BICD1: variants seen among roughly 807,000 people sequenced by gnomAD.
BICD1 encodes BICD cargo adaptor 1, also known as protein bicaudal D homolog 1.
In BICD1, 35 loss-of-function variants were observed where a neutral mutation model predicts 92.5. The ratio of observed to expected loss-of-function variants is 0.38; its 90% CI spans 0.29 to 0.50. BICD1 has a LOEUF of 0.50. Ranked by LOEUF, BICD1 falls within the 20% of genes least tolerant of loss-of-function variation. The pLI is 0.93. For synonymous variants in BICD1, 429 were observed against 465.1 expected (o/e 0.92, Z 1.00); for missense variants, 950 against 1,189.8 (o/e 0.80, Z 2.97).
intron 2 of BICD1, among the ~76,000 whole-genome samples, chr12:32,258,311 T>C (rs1220679675): frequency 6.6e-6 from 1 of 152,226 alleles, no homozygotes; most frequent in African/African-American, 2.4e-5. Flanking sequence ...TATAGTGATA[T>C]TGTACTATGG....
intron 1 of BICD1, among the ~76,000 whole-genome samples, chr12:32,139,280 A>G (rs938555842): frequency 1.3e-5 from 2 of 152,160 alleles, no homozygotes; most frequent in Non-Finnish European, 2.9e-5. Context: ...GGTTTCTTAC[A>G]TGGACTCACT....
intron 4 of BICD1, among the ~76,000 whole-genome samples, chr12:32,311,209 T>C (rs1019517704): frequency 6.6e-6 from 1 of 152,120 alleles, no homozygotes; most frequent in African/African-American, 2.4e-5. Context: ...ATTTAAGAAA[T>C]ACATTGGGCC....
At chr12:32,268,826 C>T (rs907542940) in intron 2 of BICD1, among the ~76,000 whole-genome samples, 1 of 152,062 alleles carries the variant, frequency 6.6e-6, no homozygotes, top group Non-Finnish European at 1.5e-5. Flanking sequence ...GGAATTTTCA[C>T]CCATTGACAA....
At chr12:32,240,441 C>T (rs918546622) in intron 2 of BICD1, among the ~76,000 whole-genome samples, 1 of 152,172 alleles carries the variant, frequency 6.6e-6, no homozygotes, top group Non-Finnish European at 1.5e-5. Flanking sequence ...TGTTCACTGA[C>T]TCATGTCTGC....
intron 8 of BICD1, chr12:32,339,845 G>T: frequency 1.0e-6 from 1 of 971,354 alleles, no homozygotes. Flanking sequence ...AAATTCAAGA[G>T]ATTTTATATG....
At chr12:32,376,349 A>C (rs1194045745) in intron 9 of BICD1, among the ~76,000 whole-genome samples, 1 of 151,974 alleles carries the variant, frequency 6.6e-6, no homozygotes. Flanking sequence ...GGCCTCCCAA[A>C]GTGCTGGGAT....
At chr12:32,361,433 A>G (rs766964150) in intron 8 of BICD1, among the ~76,000 whole-genome samples, 1 of 151,894 alleles carries the variant, frequency 6.6e-6, no homozygotes, top group Non-Finnish European at 1.5e-5. Context: ...CATGCCTGTA[A>G]TCCCAGCTAC....
chr12:32,288,223 A>ATTTTTTTTTTTTTTTTTTTTTTTT (rs34913740), intron 2 of BICD1, among the ~76,000 whole-genome samples: 5 of 109,522 alleles, frequency 4.6e-5, no homozygotes, highest in African/African-American at 7.4e-5. Flanking sequence ...CCAAGTCCTA[A>ATTTTTTTTTTTTTTTTTTTTTTTT]TTTTTTTTTT....
intron 1 of BICD1, among the ~76,000 whole-genome samples, chr12:32,191,764 G>T (rs895999382): frequency 6.7e-6 from 1 of 148,642 alleles, no homozygotes; most frequent in Non-Finnish European, 1.5e-5. Context: ...AATAGTAATT[G>T]CTTTGGGGTA....
At chr12:32,253,591 TC>T (rs1177355516) in intron 2 of BICD1, among the ~76,000 whole-genome samples, 4 of 152,230 alleles carry the variant, frequency 2.6e-5, no homozygotes, top group Non-Finnish European at 4.4e-5. Flanking sequence ...TAATGCTTAT[TC>T]ATCACAAATA....
At position 32,197,767 on chromosome 12, in the gene BICD1, G is replaced by T. The variant is rs563396430; in HGVS notation, c.214-18480G>T. Reference sequence around the variant, plus strand: ...TCAGCAATACGTAAGACAGAAAGGGGGTTTCACCCAGCAAGAGTTAGGATT... The same window carrying T: ...TCAGCAATACGTAAGACAGAAAGGGTGTTTCACCCAGCAAGAGTTAGGATT... On this transcript the variant is annotated intron_variant, in intron 1 of 9. Coordinates refer to ENST00000652176, the MANE Select transcript of BICD1 (RefSeq NM_001714.4). 5.3e-5 allele frequency among the ~76,000 whole-genome samples: 8 copies of T among 152,242 alleles called. No homozygotes were observed. The South Asian group carries it at 1.7e-3, about 32-fold the overall frequency.
chr12:32,322,531 G>A lies in BICD1; in HGVS notation c.1006-4930G>A, dbSNP rs182822392. On this transcript the variant is annotated intron_variant, in intron 4 of 9. Coordinates refer to ENST00000652176, the MANE Select transcript of BICD1 (RefSeq NM_001714.4). ...ATCTGACAGGAGGCAGAGCTCAGGC[G>A]GTAATGTTTGCTCGCCTGCCACTCA... Among the ~76,000 whole-genome samples the A allele has an allele frequency of 5.1e-3, 772 of 152,296 alleles. 5 individuals carry two copies. Among genetic ancestry groups the A allele is most frequent in the African/African-American group, 0.018 (741 of 41,568 alleles).
In BICD1 at chr12:32,252,183, A is replaced by G. The variant is rs202061254; in HGVS notation, c.426+35724A>G. On this transcript the variant is annotated intron_variant, in intron 2 of 9. Coordinates refer to ENST00000652176, the MANE Select transcript of BICD1 (RefSeq NM_001714.4). ...ATATATTTATAATAAATATTATATAATATATACTATATATTTTATATATAT... is the reference window on the plus strand; with the variant it reads ...ATATATTTATAATAAATATTATATAGTATATACTATATATTTTATATATAT... Among the ~76,000 whole-genome samples the G allele has an allele frequency of 3.6e-3, 174 of 48,622 alleles. 1 individual carries two copies. The East Asian group carries it at 0.07, about 20-fold the overall frequency. The allele number at this position is 48,622 out of a possible 152,430, so 31.9% of individuals were successfully genotyped here.
intron 1 of BICD1, among the ~76,000 whole-genome samples, chr12:32,212,764 G>A (rs1592486380): frequency 6.6e-6 from 1 of 152,222 alleles, no homozygotes; most frequent in Middle Eastern, 3.4e-3. Flanking sequence ...AAAATCACAA[G>A]TTATGCCAGA....
intron 4 of BICD1, among the ~76,000 whole-genome samples, chr12:32,321,337 AAAAT>A (rs771197593): frequency 7.2e-5 from 11 of 152,100 alleles, no homozygotes; most frequent in Non-Finnish European, 1.3e-4. Context: ...AAATAAATAA[AAAAT>A]AAAAGGTAAA....
chr12:32,198,077 T>C (rs1397130571), intron 1 of BICD1, among the ~76,000 whole-genome samples: 2 of 151,906 alleles, frequency 1.3e-5, no homozygotes, highest in Non-Finnish European at 2.9e-5. Context: ...TGGTGGCTCA[T>C]GCCTGTAATC....
intron 1 of BICD1, among the ~76,000 whole-genome samples, chr12:32,154,244 T>C (rs1308899850): frequency 6.6e-6 from 1 of 152,158 alleles, no homozygotes; most frequent in Admixed American, 6.5e-5. Flanking sequence ...ACTTTATGTA[T>C]ATGTTCTGGG....
chr12:32,331,361 G>A (rs1592685653), intron 5 of BICD1, among the ~76,000 whole-genome samples: 1 of 152,186 alleles, frequency 6.6e-6, no homozygotes, highest in African/African-American at 2.4e-5. Flanking sequence ...GATGTAAACA[G>A]TACCACAGGA....
intron 1 of BICD1, among the ~76,000 whole-genome samples, chr12:32,122,737 C>T (rs139712272): frequency 1.8e-3 from 267 of 152,202 alleles, no homozygotes; most frequent in African/African-American, 6.2e-3. Context: ...AGATAATGGT[C>T]ACAGTAAGTC....
Sources: allele counts gnomAD v4.1 joint callset (sites outside exome capture counted in the v4.1 genomes callset), GRCh38; gene constraint gnomAD v4.1.1; transcripts MANE v1.5; gene names NCBI Gene and HGNC (gene_info 2026-07-23, HGNC 2026-07-21).